The following SYNPO2 variants were observed in gnomAD, a reference collection of about 807,000 sequenced individuals.
The protein encoded by SYNPO2 is synaptopodin-2.
Under a neutral mutation model 85.0 loss-of-function variants are expected in SYNPO2, and 56 were observed. The observed-to-expected ratio is 0.66, with a 90% CI of 0.53 to 0.82. SYNPO2 has a LOEUF of 0.82. Among genes scored for constraint, SYNPO2 ranks in the 40% least tolerant of loss-of-function variants. The pLI is 0.00. For synonymous variants in SYNPO2, 602 were observed against 591.1 expected (o/e 1.02, Z -0.27); for missense variants, 1,575 against 1,534.2 (o/e 1.03, Z -0.44).
intron 1 of SYNPO2, among the ~76,000 whole-genome samples, chr4:118,913,187 A>C (rs1733198600): frequency 1.3e-5 from 2 of 152,214 alleles, no homozygotes; most frequent in Non-Finnish European, 2.9e-5. Context: ...CAAGATGACA[A>C]GGCTTTAAAG....
intron 4 of SYNPO2, among the ~76,000 whole-genome samples, chr4:119,049,198 A>G (rs1447950075): frequency 6.6e-6 from 1 of 152,212 alleles, no homozygotes; most frequent in African/African-American, 2.4e-5. Context: ...GAGCAAATGG[A>G]AAAATGGAGA....
At position 119,030,718 on chromosome 4, in the gene SYNPO2, C is replaced by A. The variant is rs759612951; in HGVS notation, c.1943C>A (p.Pro648Gln). 4.3e-6 allele frequency: 7 copies of A among 1,614,088 alleles called. No homozygotes were observed. Among genetic ancestry groups the A allele is most frequent in the Non-Finnish European group, 5.9e-6 (7 of 1,180,046 alleles). ...ATTGCTGGCCCAGCACAGCCCCCTC[C>A]ATGGCCCCAGCCTGCCCCGTGGTCC... ...SPIAGPAQPP[P>Q]WPQPAPWSQP... The change falls in exon 4 of 5, where the codon CCA (proline) becomes CAA (glutamine). Residue 648 changes from proline to glutamine, a missense_variant. Coordinates refer to ENST00000307142, the MANE Select transcript of SYNPO2 (RefSeq NM_133477.3).
intron 1 of SYNPO2, among the ~76,000 whole-genome samples, chr4:118,876,667 CTCTT>C (rs58409340): frequency 0.091 from 10,163 of 111,818 alleles, 534 homozygotes; most frequent in East Asian, 0.11. Flanking sequence ...TCCTTCCTTT[CTCTT>C]TCTTTCTTTC....
Position 119,030,847 on chromosome 4 carries a change from G to T in SYNPO2, c.2072G>T (p.Ser691Ile). ...TGILQEAKRR[S>I]TTKPMFTFKE... is the part of the protein sequence containing the mutation. ...ATATTGCAGGAGGCCAAAAGGAGAA[G>T]CACGACAAAACCCATGTTTACTTTT... is the stretch of plus-strand genomic sequence containing the variant. The change falls in exon 4 of 5, where the codon AGC (serine) becomes ATC (isoleucine). Residue 691 changes from serine (S) to isoleucine (I), a missense_variant. This residue lies in a region of SYNPO2 where 1,508 missense variants were observed against 1,446.8 expected (regional missense o/e 1.04). Coordinates refer to ENST00000307142, the MANE Select transcript of SYNPO2 (RefSeq NM_133477.3). 1 of 1,614,192 alleles carries T rather than the reference G, an allele frequency of 6.2e-7. No homozygotes were observed. Among genetic ancestry groups the T allele is most frequent in the Admixed American group, 1.7e-5 (1 of 60,030 alleles).
At chr4:118,851,918 T>A (rs1731426092) in intron 1 of SYNPO2, among the ~76,000 whole-genome samples, 1 of 152,200 alleles carries the variant, frequency 6.6e-6, no homozygotes, top group South Asian at 2.1e-4. Context: ...CTGTGGATAT[T>A]CTTTGATACC....
At chr4:118,883,655 A>G (rs1332636584) in intron 1 of SYNPO2, among the ~76,000 whole-genome samples, 1 of 152,216 alleles carries the variant, frequency 6.6e-6, no homozygotes, top group Non-Finnish European at 1.5e-5. Context: ...TAGTCCCAGA[A>G]GACCATTGTC....
At chr4:119,010,773 CTGTT>C (rs1259703817) in intron 1 of SYNPO2, among the ~76,000 whole-genome samples, 1 of 152,230 alleles carries the variant, frequency 6.6e-6, no homozygotes, top group Non-Finnish European at 1.5e-5. Context: ...GCCCATAACA[CTGTT>C]TGTCACATTA....
At chr4:119,009,505 A>G (rs997923851) in intron 1 of SYNPO2, among the ~76,000 whole-genome samples, 4 of 152,204 alleles carry the variant, frequency 2.6e-5, no homozygotes, top group Non-Finnish European at 5.9e-5. Flanking sequence ...CACTCAATAA[A>G]GATCTGCCTG....
chr4:119,030,884 A>G lies in SYNPO2; in HGVS notation c.2109A>G (p.Lys703=), dbSNP rs2149190772. 1.9e-6 allele frequency: 3 copies of G among 1,614,196 alleles called. No homozygotes were observed. In the East Asian group the frequency reaches 6.7e-5, roughly 36 times the overall value. ...CCATGTTTACTTTTAAAGAGCCCAA[A>G]GTAAGCCCAAATCCTGAACTCTTGT... is the stretch of plus-strand genomic sequence containing the variant. ...TKPMFTFKEP[K]VSPNPELLSL... is the part of the protein sequence containing the mutation. The change falls in exon 4 of 5, where the codon AAA becomes AAG. Residue 703 remains lysine (K), a synonymous_variant. Transcript: ENST00000307142.
intron 4 of SYNPO2, chr4:119,043,328 A>G (rs1245843687): frequency 1.3e-5 from 2 of 152,230 alleles, no homozygotes; most frequent in African/African-American, 4.8e-5. Context: ...ATCTTAGGCT[A>G]AGATTACATA....
At chr4:118,883,713 C>CTTTTTTTTTT (rs57844329) in intron 1 of SYNPO2, among the ~76,000 whole-genome samples, 1 of 149,036 alleles carries the variant, frequency 6.7e-6, no homozygotes. Flanking sequence ...TTCTCTTTTT[C>CTTTTTTTTTT]TTTTTTTTTT....
intron 4 of SYNPO2, 181 bp downstream of exon 4, chr4:119,032,208 A>T: frequency 2.1e-6 from 3 of 1,436,914 alleles, no homozygotes; most frequent in Non-Finnish European, 2.7e-6. Flanking sequence ...AATATTTTTA[A>T]TGAGTCAAAA....
chr4:119,016,143 T>G (rs907914867), intron 1 of SYNPO2, among the ~76,000 whole-genome samples: 3 of 152,204 alleles, frequency 2.0e-5, no homozygotes, highest in African/African-American at 7.2e-5. Flanking sequence ...TTGTAAGTTC[T>G]TTAGGTAACT....
At chr4:118,942,811 C>G (rs1324861004) in intron 1 of SYNPO2, among the ~76,000 whole-genome samples, 1 of 151,956 alleles carries the variant, frequency 6.6e-6, no homozygotes, top group Non-Finnish European at 1.5e-5. Context: ...ATTATCTAAC[C>G]TAAAATGTCA....
Position 119,027,231 on chromosome 4 carries a change from C to A in SYNPO2, c.862C>A (p.Leu288Ile). 1 of 1,614,108 alleles carries A rather than the reference C, an allele frequency of 6.2e-7. No individual in the cohort carries two copies. The highest frequency in any genetic ancestry group is 1.6e-4 in the Middle Eastern group (1 of 6,062). Residue 288 changes from leucine (L) to isoleucine (I), a missense_variant, in exon 3 of 5, where the codon CTC (leucine) becomes ATC (isoleucine). Physicochemically the swap from Leu to Ile is conservative, Grantham distance 5 (BLOSUM62 2). This residue lies in a region of SYNPO2 where 1,508 missense variants were observed against 1,446.8 expected (regional missense o/e 1.04). Transcript: ENST00000307142. The part of the protein sequence containing the change: ...DAGLPRVEVI[L>I]DCSDRQKTEG... Reference sequence around the variant, plus strand: ...GGGACTGCCCCGGGTGGAAGTGATCCTCGACTGCTCTGACAGGCAGAAGAC... The same window carrying A: ...GGGACTGCCCCGGGTGGAAGTGATCATCGACTGCTCTGACAGGCAGAAGAC...
intron 4 of SYNPO2, chr4:119,043,802 G>A (rs935946190): frequency 7.2e-5 from 11 of 152,162 alleles, no homozygotes; most frequent in African/African-American, 2.7e-4. Context: ...GCTGGGCGTG[G>A]TGGCACATGC....
intron 4 of SYNPO2, among the ~76,000 whole-genome samples, chr4:119,038,821 G>A (rs1488897385): frequency 6.6e-6 from 1 of 152,026 alleles, no homozygotes; most frequent in Non-Finnish European, 1.5e-5. Flanking sequence ...ATTCCTCAGT[G>A]GAAGATTTCT....
chr4:119,046,139 A>G (rs1738861813), intron 4 of SYNPO2, among the ~76,000 whole-genome samples: 1 of 152,206 alleles, frequency 6.6e-6, no homozygotes, highest in Non-Finnish European at 1.5e-5. Context: ...AATTGAGGTA[A>G]CAAATACAGT....
intron 4 of SYNPO2, among the ~76,000 whole-genome samples, chr4:119,052,800 A>C (rs1386324164): frequency 1.3e-5 from 2 of 152,142 alleles, no homozygotes; most frequent in Non-Finnish European, 2.9e-5. Flanking sequence ...TAACCATTGA[A>C]CTCTTCCTAA....
Sources: gnomAD v4.1 joint callset for allele counts (sites outside exome capture counted in the v4.1 genomes callset) on GRCh38, gnomAD v4.1.1 for gene constraint, gnomAD v4.1.1 regional missense constraint, MANE v1.5 for transcripts, NCBI Gene and HGNC (gene_info 2026-07-23, HGNC 2026-07-21) for gene names.